The following ZNF43 variants were observed in gnomAD, a reference collection of about 807,000 sequenced individuals.
ZNF43 encodes the protein zinc finger protein 43, also known as zinc finger protein 39-like 1 (KOX 27).
In ZNF43, 44 loss-of-function variants were observed where a neutral mutation model predicts 68.4. That is an observed-to-expected ratio of 0.64 (90% CI 0.51 to 0.83). The LOEUF is 0.83. Among genes scored for constraint, ZNF43 ranks in the 40% least tolerant of loss-of-function variants. The pLI is 0.00. For synonymous variants in ZNF43, 308 were observed against 307.8 expected (o/e 1.00, Z -0.01); for missense variants, 896 against 933.2 (o/e 0.96, Z 0.52).
intron 1 of ZNF43, among the ~76,000 whole-genome samples, chr19:21,822,041 A>G (rs2435004): frequency 0.048 from 7,325 of 152,174 alleles, 260 homozygotes; most frequent in African/African-American, 0.13. Context: ...TACTACCACC[A>G]CACCCACAGG....
At chr19:21,814,412 T>C (rs2037422523) in intron 3 of ZNF43, among the ~76,000 whole-genome samples, 1 of 112,006 alleles carries the variant, frequency 8.9e-6, no homozygotes, top group Non-Finnish European at 1.9e-5. Context: ...GATTGATCTC[T>C]TTTTTTTTTT....
At chr19:21,845,450 A>C (rs994006714) in intron 1 of ZNF43, 1 of 152,052 alleles carries the variant, frequency 6.6e-6, no homozygotes, top group Non-Finnish European at 1.5e-5. Flanking sequence ...TGCTGGGTCC[A>C]GTGATACATC....
At chr19:21,817,714 A>G (rs2037597153) in intron 3 of ZNF43, among the ~76,000 whole-genome samples, 174 bp downstream of exon 3, 1 of 152,188 alleles carries the variant, frequency 6.6e-6, no homozygotes, top group African/African-American at 2.4e-5. Flanking sequence ...AGAGAATGTA[A>G]AAGCATAAGA....
intron 1 of ZNF43, among the ~76,000 whole-genome samples, chr19:21,835,600 C>T (rs891277000): frequency 3.3e-5 from 5 of 151,942 alleles, no homozygotes; most frequent in African/African-American, 1.2e-4. Flanking sequence ...CGTCATCCAC[C>T]CACCTCGACC....
intron 1 of ZNF43, among the ~76,000 whole-genome samples, chr19:21,829,409 T>C (rs2038316330): frequency 6.6e-6 from 1 of 152,238 alleles, no homozygotes; most frequent in African/African-American, 2.4e-5. Flanking sequence ...TTTACCATTC[T>C]GTATTTCTAA....
chr19:21,828,411 C>G (rs183474913), intron 1 of ZNF43, among the ~76,000 whole-genome samples: 1 of 152,038 alleles, frequency 6.6e-6, no homozygotes, highest in East Asian at 2.0e-4. Context: ...AACCCCATCT[C>G]TCATAAAAAT....
chr19:21,842,694 A>G (rs1230217214), intron 1 of ZNF43, among the ~76,000 whole-genome samples: 1 of 152,176 alleles, frequency 6.6e-6, no homozygotes, highest in Non-Finnish European at 1.5e-5. Flanking sequence ...GAGGCATGGA[A>G]CAAAATTCAG....
At chr19:21,816,146 G>A (rs1324935933) in intron 3 of ZNF43, among the ~76,000 whole-genome samples, 2 of 151,960 alleles carry the variant, frequency 1.3e-5, no homozygotes, top group Non-Finnish European at 2.9e-5. Context: ...AATAAAAGGT[G>A]CCCTACTTGC....
At chr19:21,851,878 T>G in intron 1 of ZNF43, 1 of 1,563,618 alleles carries the variant, frequency 6.4e-7, no homozygotes, top group Non-Finnish European at 8.7e-7. Context: ...CTCTCCCCTC[T>G]CGGGATGCCT....
Position 21,808,252 on chromosome 19 carries a change from T to A in ZNF43, c.1785A>T (p.Lys595Asn), listed in dbSNP as rs2037062990. 1 of 1,613,442 alleles carries A rather than the reference T, an allele frequency of 6.2e-7. No homozygotes were observed. The highest frequency in any genetic ancestry group is 8.5e-7 in the Non-Finnish European group (1 of 1,179,830). The change falls in exon 4 of 4, where the codon AAA becomes AAT. Residue 595 changes from lysine (K) to asparagine (N), a missense_variant. By Grantham distance (94) the Lys-to-Asn change is moderately conservative. Transcript: ENST00000354959. Reference sequence around the variant, plus strand: ...TAAAAGCTTTGCCACATTCTTCACATTTGTAGAATTTCTCTCCAGTATGAA... The same window carrying A: ...TAAAAGCTTTGCCACATTCTTCACAATTGTAGAATTTCTCTCCAGTATGAA... Reference protein sequence around the residue: ...KKIHTGEKFYKCEECGKAFTQ... With the variant: ...KKIHTGEKFYNCEECGKAFTQ...
At chr19:21,816,399 C>T (rs1164197081) in intron 3 of ZNF43, among the ~76,000 whole-genome samples, 4 of 152,100 alleles carry the variant, frequency 2.6e-5, no homozygotes, top group Non-Finnish European at 5.9e-5. Context: ...ACATAAAGCC[C>T]AAGATTAAGG....
In ZNF43 at chr19:21,805,040, A is replaced by AGT. The variant is rs1338331285; in HGVS notation, c.*2566_*2567insAC. 6.6e-6 allele frequency: 1 copy of AGT among 152,200 alleles called. No homozygotes were observed. Among genetic ancestry groups the AGT allele is most frequent in the Non-Finnish European group, 1.5e-5 (1 of 68,026 alleles). 9.4% of individuals were successfully genotyped at this position (152,200 alleles called of 1,614,324 possible). ...CTGTAGTCAATAACAATTTAATTGTACATTAAAATAATGAAGTGTAGAATT... is the reference window on the plus strand; with the variant it reads ...CTGTAGTCAATAACAATTTAATTGTAGTCATTAAAATAATGAAGTGTAGAATT... On this transcript the variant is annotated 3_prime_UTR_variant, in exon 4 of 4. Coordinates refer to ENST00000354959, the MANE Select transcript of ZNF43 (RefSeq NM_003423.4).
intron 1 of ZNF43, among the ~76,000 whole-genome samples, chr19:21,847,534 T>C (rs1206389266): frequency 6.6e-6 from 1 of 151,986 alleles, no homozygotes; most frequent in Non-Finnish European, 1.5e-5. Flanking sequence ...CCATCTCTAC[T>C]AAAAATACAA....
chr19:21,831,920 C>T (rs2038443097), intron 1 of ZNF43, among the ~76,000 whole-genome samples: 1 of 152,158 alleles, frequency 6.6e-6, no homozygotes, highest in Non-Finnish European at 1.5e-5. Context: ...CGTTTATGCT[C>T]ATGAATAGAA....
intron 3 of ZNF43, among the ~76,000 whole-genome samples, chr19:21,817,062 C>T (rs543834061): frequency 2.6e-5 from 4 of 151,986 alleles, no homozygotes; most frequent in Admixed American, 1.3e-4. Context: ...CCAAACATGG[C>T]GAAACCCTGT....
At chr19:21,826,162 A>G (rs1317900480) in intron 1 of ZNF43, among the ~76,000 whole-genome samples, 1 of 152,234 alleles carries the variant, frequency 6.6e-6, no homozygotes, top group Admixed American at 6.5e-5. Flanking sequence ...ACATATACCA[A>G]ATAGGCAAAA....
chr19:21,831,802 G>T (rs1374721968), intron 1 of ZNF43, among the ~76,000 whole-genome samples: 2 of 152,110 alleles, frequency 1.3e-5, no homozygotes, highest in Non-Finnish European at 2.9e-5. Flanking sequence ...GCCACAAAAA[G>T]AATCAAATAT....
At chr19:21,830,389 G>A (rs1229271097) in intron 1 of ZNF43, among the ~76,000 whole-genome samples, 1 of 151,154 alleles carries the variant, frequency 6.6e-6, no homozygotes, top group East Asian at 1.9e-4. Flanking sequence ...GATTAATGAA[G>A]AAAGAGAAGA....
intron 1 of ZNF43, chr19:21,841,534 C>G (rs920914006): frequency 2.6e-5 from 4 of 152,278 alleles, no homozygotes; most frequent in African/African-American, 9.6e-5. Flanking sequence ...AGAGATGCAA[C>G]ACAATCTTTC....
Sources: allele counts gnomAD v4.1 joint callset (sites outside exome capture counted in the v4.1 genomes callset), GRCh38; gene constraint gnomAD v4.1.1; transcripts MANE v1.5; gene names NCBI Gene and HGNC (gene_info 2026-07-23, HGNC 2026-07-21).